Variants in KCNG2 observed in about 807,000 individuals in gnomAD.
KCNG2 encodes voltage-gated potassium channel regulatory subunit KCNG2.
Under a neutral mutation model 12.3 loss-of-function variants are expected in KCNG2, and 7 were observed. The observed-to-expected ratio is 0.57, with a 90% CI of 0.32 to 1.07. The LOEUF is 1.07. Among genes scored for constraint, KCNG2 ranks in the 50% least tolerant of loss-of-function variants. The pLI is 0.04. For synonymous variants in KCNG2, 414 were observed against 351.4 expected, an observed-to-expected ratio of 1.18 and a Z score of -1.99; for missense variants, 703 against 726.0, an observed-to-expected ratio of 0.97 and a Z score of 0.36.
At chr18:79,799,371 G>A (rs570601803) in intron 1 of KCNG2, among the ~76,000 whole-genome samples, 9 of 152,302 alleles carry the variant, frequency 5.9e-5, no homozygotes, top group African/African-American at 1.9e-4. Flanking sequence ...CTCTGGGATG[G>A]TGCAGGGTAC....
rs1981152075 is a variant in KCNG2, at chr18:79,899,859, G to A, written c.*43G>A. 1 of 1,299,654 alleles carries A rather than the reference G, an allele frequency of 7.7e-7. No individual in the cohort carries two copies. The highest frequency in any genetic ancestry group is 9.7e-7 in the Non-Finnish European group (1 of 1,026,488). The allele number at this position is 1,299,654 out of a possible 1,614,324, so 80.5% of individuals were successfully genotyped here. A position where few individuals can be genotyped will look rare whatever the true frequency, so the allele number is the denominator to read the frequency against. On this transcript the variant is annotated 3_prime_UTR_variant, in exon 4 of 4. Coordinates refer to ENST00000316249, the MANE Select transcript of KCNG2 (RefSeq NM_012283.2). Reference sequence around the variant, plus strand: ...CGGAGACCCCCTGCCCCCTCCAGCTGCAGCGTCGGGACCCCCGAGGTGCGC... The same window carrying A: ...CGGAGACCCCCTGCCCCCTCCAGCTACAGCGTCGGGACCCCCGAGGTGCGC...
At chr18:79,820,821 G>A (rs1348278704) in intron 1 of KCNG2, among the ~76,000 whole-genome samples, 2 of 151,962 alleles carry the variant, frequency 1.3e-5, no homozygotes, top group Non-Finnish European at 2.9e-5. Flanking sequence ...GCTAATTTTT[G>A]TATTTTTTGT....
chr18:79,851,404 C>A (rs760379446), intron 1 of KCNG2, among the ~76,000 whole-genome samples: 2 of 152,230 alleles, frequency 1.3e-5, no homozygotes, highest in Admixed American at 1.3e-4. Flanking sequence ...GAATACCCAA[C>A]TTCCTGGGAG....
chr18:79,827,061 G>A (rs1257805787), intron 1 of KCNG2, among the ~76,000 whole-genome samples: 1 of 152,264 alleles, frequency 6.6e-6, no homozygotes, highest in Non-Finnish European at 1.5e-5. Flanking sequence ...CGTCCCCGGC[G>A]ATGCAGGGGC....
At chr18:79,806,298 T>TGTCGGGG (rs1233042285) in intron 1 of KCNG2, among the ~76,000 whole-genome samples, 2 of 152,330 alleles carry the variant, frequency 1.3e-5, no homozygotes, top group Non-Finnish European at 2.9e-5. Context: ...AAGGCCGCTG[T>TGTCGGGG]GTCGGGGGTC....
intron 1 of KCNG2, among the ~76,000 whole-genome samples, chr18:79,835,741 G>C (rs1292142616): frequency 6.6e-6 from 1 of 152,230 alleles, no homozygotes; most frequent in African/African-American, 2.4e-5. Context: ...AAGGCAGGTA[G>C]AGGGATGTGT....
At chr18:79,859,094 C>A (rs1234875410) in intron 2 of KCNG2, among the ~76,000 whole-genome samples, 3 of 151,566 alleles carry the variant, frequency 2.0e-5, no homozygotes, top group Non-Finnish European at 2.9e-5. Context: ...ATCTTTTTTT[C>A]TTTTGTTGCT....
chr18:79,868,776 C>T (rs1242023761), intron 3 of KCNG2, among the ~76,000 whole-genome samples: 1 of 152,218 alleles, frequency 6.6e-6, no homozygotes, highest in Non-Finnish European at 1.5e-5. Flanking sequence ...GTGCAAGTCC[C>T]AGCCCAGCTC....
chr18:79,863,101 G>T (rs572706654), intron 2 of KCNG2, among the ~76,000 whole-genome samples: 18 of 152,332 alleles, frequency 1.2e-4, no homozygotes, highest in Non-Finnish European at 2.2e-4. Flanking sequence ...GGTAGGGATG[G>T]ACTTTTGGAG....
chr18:79,817,110 C>T (rs866272897), intron 1 of KCNG2, among the ~76,000 whole-genome samples: 1 of 151,996 alleles, frequency 6.6e-6, no homozygotes, highest in Non-Finnish European at 1.5e-5. Flanking sequence ...GTTTGTCACA[C>T]GGCTGCCACA....
chr18:79,893,860 T>C (rs1980841561), intron 3 of KCNG2, among the ~76,000 whole-genome samples: 1 of 150,784 alleles, frequency 6.6e-6, no homozygotes, highest in South Asian at 2.1e-4. Flanking sequence ...TATAGTTGGG[T>C]CTGTATCTGC....
At chr18:79,873,201 G>A (rs1979920891) in intron 3 of KCNG2, among the ~76,000 whole-genome samples, 1 of 152,210 alleles carries the variant, frequency 6.6e-6, no homozygotes, top group Non-Finnish European at 1.5e-5. Context: ...CCCTCTCGGG[G>A]GACCACCCTC....
intron 3 of KCNG2, among the ~76,000 whole-genome samples, chr18:79,888,823 C>G (rs1032670368): frequency 6.6e-5 from 10 of 152,028 alleles, no homozygotes; most frequent in African/African-American, 2.4e-4. Flanking sequence ...TACAGAAGTC[C>G]ACCACCACGC....
At chr18:79,844,876 C>A (rs1978571168) in intron 1 of KCNG2, among the ~76,000 whole-genome samples, 1 of 152,168 alleles carries the variant, frequency 6.6e-6, no homozygotes. Context: ...ACTAGCCAGT[C>A]AGTAAGGGGG....
chr18:79,896,485 T>C (rs1599443365), intron 3 of KCNG2, among the ~76,000 whole-genome samples: 1 of 152,228 alleles, frequency 6.6e-6, no homozygotes, highest in African/African-American at 2.4e-5. Context: ...TGTCATTTCC[T>C]TAGACCATTA....
intron 1 of KCNG2, among the ~76,000 whole-genome samples, chr18:79,854,185 C>T (rs1978925534): frequency 6.6e-6 from 1 of 152,238 alleles, no homozygotes; most frequent in South Asian, 2.1e-4. Context: ...CAGAGCCCGG[C>T]CTTCTGCTTC....
intron 1 of KCNG2, among the ~76,000 whole-genome samples, chr18:79,814,892 G>T (rs1425842699): frequency 6.7e-6 from 1 of 148,230 alleles, no homozygotes; most frequent in Non-Finnish European, 1.5e-5. Flanking sequence ...GGATGGCCAT[G>T]TGCTTTTACC....
In KCNG2 at chr18:79,864,010, C is replaced by G. The variant is rs1979341282; in HGVS notation, c.343C>G (p.Leu115Val). 1 of 1,179,356 alleles carries G rather than the reference C, an allele frequency of 8.5e-7. No individual in the cohort carries two copies. Among genetic ancestry groups the G allele is most frequent in the African/African-American group, 1.6e-5 (1 of 61,598 alleles). The allele number at this position is 1,179,356 out of a possible 1,614,324, so 73.1% of individuals were successfully genotyped here. A position where few individuals can be genotyped will look rare whatever the true frequency, so the allele number is the denominator to read the frequency against. ...CTACTGGGGCATCGACGAGGCGCGCCTGGAGCGCTGCTGCCTGCGCCGCCT... is the reference window on the plus strand; with the variant it reads ...CTACTGGGGCATCGACGAGGCGCGCGTGGAGCGCTGCTGCCTGCGCCGCCT... Reference protein sequence around the residue: ...LAYWGIDEARLERCCLRRLRR... With the variant: ...LAYWGIDEARVERCCLRRLRR... The change falls in exon 3 of 4, where the codon CTG (leucine) becomes GTG (valine). Residue 115 changes from leucine (L) to valine (V), a missense_variant. By Grantham distance (32) the Leu-to-Val change is conservative. Coordinates refer to ENST00000316249, the MANE Select transcript of KCNG2 (RefSeq NM_012283.2).
At chr18:79,809,482 C>T (rs1260221225) in intron 1 of KCNG2, among the ~76,000 whole-genome samples, 39 of 104,884 alleles carry the variant, frequency 3.7e-4, no homozygotes, top group Middle Eastern at 6.3e-3. Flanking sequence ...CCACACTCCA[C>T]GTTATGGGCC....
Sources: allele counts gnomAD v4.1 joint callset (sites outside exome capture counted in the v4.1 genomes callset), GRCh38; gene constraint gnomAD v4.1.1; transcripts MANE v1.5; gene names NCBI Gene and HGNC (gene_info 2026-07-23, HGNC 2026-07-21).